Variants in CDH13 observed in about 807,000 individuals in gnomAD.
CDH13 encodes the protein cadherin-13.
A neutral mutation model predicts 63.8 loss-of-function variants in CDH13; 24 were observed. That is an observed-to-expected ratio of 0.38 (90% CI 0.27 to 0.53). The LOEUF (loss-of-function observed/expected upper bound fraction) is 0.53. CDH13 is among the 20% of genes least tolerant of loss of function. The pLI is 0.85. For missense variants in CDH13, 1,049 were observed against 903.1 expected, an observed-to-expected ratio of 1.16 and a Z score of -2.07; for synonymous variants, 503 against 355.3, an observed-to-expected ratio of 1.42 and a Z score of -4.67.
At chr16:83,339,054 C>T (rs2090664989) in intron 5 of CDH13, among the ~76,000 whole-genome samples, 1 of 152,126 alleles carries the variant, frequency 6.6e-6, no homozygotes, top group African/African-American at 2.4e-5. Flanking sequence ...ACCCACAGGG[C>T]GCCTTGCACA....
chr16:83,634,347 A>T (rs1911067022), intron 8 of CDH13, among the ~76,000 whole-genome samples: 1 of 151,516 alleles, frequency 6.6e-6, no homozygotes, highest in Non-Finnish European at 1.5e-5. Context: ...TAGTTTTGTC[A>T]CTTCAAGGAT....
intron 6 of CDH13, among the ~76,000 whole-genome samples, chr16:83,428,244 C>G (rs1033956100): frequency 6.6e-6 from 1 of 152,082 alleles, no homozygotes; most frequent in Admixed American, 6.5e-5. Context: ...GATTCAATGA[C>G]TGAGAAACAC....
chr16:83,017,741 A>G (rs1484553576), intron 2 of CDH13, among the ~76,000 whole-genome samples: 2 of 152,212 alleles, frequency 1.3e-5, no homozygotes, highest in African/African-American at 4.8e-5. Flanking sequence ...TGACTTGAAT[A>G]TATAGGGAAA....
chr16:83,368,232 C>T (rs369855656), intron 6 of CDH13, among the ~76,000 whole-genome samples: 4 of 152,262 alleles, frequency 2.6e-5, no homozygotes, highest in African/African-American at 9.6e-5. Context: ...GCCCAACATT[C>T]ATATTCTGTT....
chr16:82,669,021 G>A (rs1291286827), intron 1 of CDH13, among the ~76,000 whole-genome samples: 1 of 152,142 alleles, frequency 6.6e-6, no homozygotes, highest in Non-Finnish European at 1.5e-5. Context: ...TGCTCTCATT[G>A]CCATCCACAT....
intron 1 of CDH13, among the ~76,000 whole-genome samples, chr16:82,676,743 A>T (rs1170413428): frequency 1.3e-5 from 2 of 152,114 alleles, no homozygotes. Flanking sequence ...GCACTTTCTG[A>T]GACCAGCCCC....
At chr16:83,609,328 A>G (rs1908649947) in intron 8 of CDH13, among the ~76,000 whole-genome samples, 1 of 152,218 alleles carries the variant, frequency 6.6e-6, no homozygotes, top group African/African-American at 2.4e-5. Flanking sequence ...AGGGAAGCCA[A>G]AAGATTGGGC....
At chr16:83,324,516 GAGT>G (rs1221210528) in intron 5 of CDH13, among the ~76,000 whole-genome samples, 2 of 152,174 alleles carry the variant, frequency 1.3e-5, no homozygotes, top group Non-Finnish European at 2.9e-5. Flanking sequence ...GCCCTTCCAT[GAGT>G]AGCTTCGTTC....
chr16:83,023,344 C>T (rs928552373), intron 2 of CDH13, among the ~76,000 whole-genome samples: 7 of 151,168 alleles, frequency 4.6e-5, no homozygotes, highest in African/African-American at 1.7e-4. Flanking sequence ...CTAAGATTAT[C>T]TCAAAGAATG....
chr16:83,738,002 T>C (rs1911698880), intron 10 of CDH13, among the ~76,000 whole-genome samples: 1 of 152,224 alleles, frequency 6.6e-6, no homozygotes, highest in African/African-American at 2.4e-5. Context: ...AATACATACA[T>C]CGTACGCCAC....
At chr16:83,601,139 G>A (rs1907751435) in intron 7 of CDH13, among the ~76,000 whole-genome samples, 2 of 152,112 alleles carry the variant, frequency 1.3e-5, no homozygotes, top group Admixed American at 6.5e-5. Flanking sequence ...CAATCGGTAG[G>A]AGATAGAGAA....
chr16:83,269,211 C>T (rs1411449095), intron 5 of CDH13, among the ~76,000 whole-genome samples: 2 of 152,168 alleles, frequency 1.3e-5, no homozygotes, highest in Admixed American at 6.5e-5. Context: ...ACATAGTTTG[C>T]ATAATTGCAG....
At chr16:82,655,948 G>A (rs1911245533) in intron 1 of CDH13, among the ~76,000 whole-genome samples, 1 of 152,058 alleles carries the variant, frequency 6.6e-6, no homozygotes, top group African/African-American at 2.4e-5. Flanking sequence ...ATGAGGTTTG[G>A]CACCACCTAG....
intron 4 of CDH13, among the ~76,000 whole-genome samples, chr16:83,130,293 T>C (rs564851644): frequency 6.6e-6 from 1 of 152,334 alleles, no homozygotes; most frequent in Non-Finnish European, 1.5e-5. Context: ...TGACGTAACC[T>C]GTCCAAAGCC....
chr16:83,346,727 A>G (rs1224110013), intron 6 of CDH13, among the ~76,000 whole-genome samples: 2 of 152,178 alleles, frequency 1.3e-5, no homozygotes, highest in East Asian at 1.9e-4. Context: ...TATTTTTTGA[A>G]GAAAGAGTTC....
At chr16:82,903,578 G>T (rs1411599440) in intron 2 of CDH13, among the ~76,000 whole-genome samples, 1 of 151,874 alleles carries the variant, frequency 6.6e-6, no homozygotes, top group East Asian at 1.9e-4. Context: ...CATCCTTTTT[G>T]TTTTATTCTG....
chr16:83,069,538 G>T (rs2032281518), intron 3 of CDH13, among the ~76,000 whole-genome samples: 1 of 152,148 alleles, frequency 6.6e-6, no homozygotes. Flanking sequence ...AAGAGGGTAA[G>T]TCACCATCCA....
At chr16:82,923,515 G>A (rs1180495423) in intron 2 of CDH13, among the ~76,000 whole-genome samples, 1 of 152,228 alleles carries the variant, frequency 6.6e-6, no homozygotes, top group Non-Finnish European at 1.5e-5. Context: ...GGAGGTCACA[G>A]AGTCCTACTT....
At chr16:82,996,764 G>C (rs1305389174) in intron 2 of CDH13, among the ~76,000 whole-genome samples, 5 of 152,118 alleles carry the variant, frequency 3.3e-5, no homozygotes, top group Non-Finnish European at 7.4e-5. Context: ...TAACTATAGT[G>C]ATGGTGATGA....
Sources: gnomAD v4.1 joint callset for allele counts (sites outside exome capture counted in the v4.1 genomes callset) on GRCh38, gnomAD v4.1.1 for gene constraint, MANE v1.5 for transcripts, NCBI Gene and HGNC (gene_info 2026-07-23, HGNC 2026-07-21) for gene names.